The following PDE6C variants were observed in gnomAD, a reference collection of about 807,000 sequenced individuals.
The protein encoded by PDE6C is cone cGMP-specific 3',5'-cyclic phosphodiesterase subunit alpha'.
In PDE6C, 75 loss-of-function variants were observed where a neutral mutation model predicts 113.1. The ratio of observed to expected loss-of-function variants is 0.66; its 90% CI spans 0.55 to 0.80. PDE6C has a LOEUF of 0.80. PDE6C is among the 30% of genes least tolerant of loss of function. The probability of loss-of-function intolerance (pLI) is 0.00; values close to 1 mark genes in which losing one functional copy is unlikely to be tolerated. For synonymous variants in PDE6C, 375 were observed against 363.7 expected, an observed-to-expected ratio of 1.03 and a Z score of -0.35; for missense variants, 912 against 1,038.6, an observed-to-expected ratio of 0.88 and a Z score of 1.67.
At chr10:93,629,519 C>A (rs919869650) in intron 8 of PDE6C, among the ~76,000 whole-genome samples, 4 of 152,268 alleles carry the variant, frequency 2.6e-5, no homozygotes, top group African/African-American at 9.6e-5. Flanking sequence ...AGGGAGGGGA[C>A]CTGCCACTCC....
At position 93,636,368 on chromosome 10, in the gene PDE6C, T is replaced by TGGGGG. The variant is rs373109205; in HGVS notation, c.1414-627_1414-626insGGGGG. ...CTCTATTTCTTTTATTTCCCTGGCT[T>TGGGGG]TGTGTGTGTGTGTGTGTGTGTGTGT... On this transcript the variant is annotated intron_variant, in intron 10 of 21. Coordinates refer to ENST00000371447, the MANE Select transcript of PDE6C (RefSeq NM_006204.4). 6.4e-5 allele frequency among the ~76,000 whole-genome samples: 9 copies of TGGGGG among 141,358 alleles called. No homozygotes were observed. In the South Asian group the frequency reaches 1.7e-3, roughly 26 times the overall value. The allele number at this position is 141,358 out of a possible 152,430, so 92.7% of individuals were successfully genotyped here.
At position 93,665,059 on chromosome 10, in the gene PDE6C, G is replaced by C. The variant is rs569260466; in HGVS notation, c.2519-301G>C. On this transcript the variant is annotated intron_variant, in intron 21 of 21. Transcript: ENST00000371447. ...AATTTTTATATTTTTAGTAGAGACA[G>C]GGTTTCACCATATTGACCAGGCTGG... 9.9e-5 allele frequency among the ~76,000 whole-genome samples: 15 copies of C among 152,162 alleles called. No individual in the cohort carries two copies. The East Asian group carries it at 2.9e-3, about 29-fold the overall frequency.
intron 15 of PDE6C, among the ~76,000 whole-genome samples, chr10:93,646,918 G>A (rs2058587187): frequency 1.3e-5 from 2 of 152,220 alleles, no homozygotes; most frequent in Non-Finnish European, 2.9e-5. Flanking sequence ...GCCATGCTCT[G>A]AGAGTTCCAA....
rs112455473 is a variant in PDE6C, at chr10:93,622,058, A to G, written c.850A>G (p.Met284Val). 7 of 1,614,032 alleles carry G rather than the reference A, an allele frequency of 4.3e-6. No individual in the cohort carries two copies. The South Asian group carries it at 7.7e-5, about 18-fold the overall frequency. The stretch of plus-strand genomic sequence containing the variant: ...ACGATACTCCATTGGACTGCTGGAC[A>G]TGACCAAGGAGAAGGTTCTTATTAT... ...CERYSIGLLD[M>V]TKEKEFYDEW... The change falls in exon 4 of 22, where the codon ATG becomes GTG. Residue 284 changes from methionine (M) to valine (V), a missense_variant. By Grantham distance (21) the Met-to-Val change is conservative (BLOSUM62 1). Coordinates refer to ENST00000371447, the MANE Select transcript of PDE6C (RefSeq NM_006204.4).
At chr10:93,618,006 C>A (rs114459381) in intron 1 of PDE6C, among the ~76,000 whole-genome samples, 4,311 of 151,616 alleles carry the variant, frequency 0.028, 81 homozygotes, top group Middle Eastern at 0.045. Context: ...CTATGGGGAA[C>A]CAGAGAGAGG....
At chr10:93,641,687 T>C (rs1267964042) in intron 14 of PDE6C, among the ~76,000 whole-genome samples, 1 of 152,268 alleles carries the variant, frequency 6.6e-6, no homozygotes, top group East Asian at 1.9e-4. Flanking sequence ...GGTACATGAA[T>C]GTTAGGCTTA....
At chr10:93,643,135 A>G (rs544293623) in intron 14 of PDE6C, among the ~76,000 whole-genome samples, 16 of 152,298 alleles carry the variant, frequency 1.1e-4, no homozygotes, top group Admixed American at 1.0e-3. Flanking sequence ...AGGTACTAGT[A>G]TCCCCCACTT....
Position 93,663,194 on chromosome 10 carries a change from T to C in PDE6C, c.2518+16T>C. 1.9e-6 allele frequency: 3 copies of C among 1,611,366 alleles called. No homozygotes were observed. The highest frequency in any genetic ancestry group is 2.5e-6 in the Non-Finnish European group (3 of 1,178,654). ...GCCGAAAAAGGTTAGATGGGCTCTG[T>C]TTTTGCTCCCTGTAATGTAGCCAGA... On this transcript the variant is annotated intron_variant, in intron 21 of 21. Transcript: ENST00000371447.
At chr10:93,659,066 CT>C (rs1564805935) in intron 17 of PDE6C, 37 bp from the exon 18 acceptor site, 1 of 1,576,608 alleles carries the variant, frequency 6.3e-7, no homozygotes, top group Non-Finnish European at 8.7e-7. Context: ...TTATTTTGTA[CT>C]TATTTCTATT....
In PDE6C at chr10:93,655,841, G is replaced by T. The variant is rs779825105; in HGVS notation, c.2017G>T (p.Asp673Tyr). The change falls in exon 16 of 22, where the codon GAC becomes TAC. Residue 673 changes from aspartate (D) to tyrosine (Y), a missense_variant. Transcript: ENST00000371447. Reference protein sequence around the residue: ...HLFEVAIIATDLALYFKKRTM... With the variant: ...HLFEVAIIATYLALYFKKRTM... ...GTTCGAGGTCGCAATAATAGCAACTGACCTGGCTTTATATTTCAAGTAAGT... is the reference window on the plus strand; with the variant it reads ...GTTCGAGGTCGCAATAATAGCAACTTACCTGGCTTTATATTTCAAGTAAGT... 1.3e-6 allele frequency: 2 copies of T among 1,583,656 alleles called. No homozygotes were observed. The highest frequency in any genetic ancestry group is 1.7e-6 in the Non-Finnish European group (2 of 1,152,256).
At chr10:93,651,385 C>G (rs181282300) in intron 15 of PDE6C, among the ~76,000 whole-genome samples, 82 of 152,272 alleles carry the variant, frequency 5.4e-4, no homozygotes, top group African/African-American at 1.9e-3. Flanking sequence ...GGGGAGGCCT[C>G]AGGAAACTTA....
rs1328017393 is a variant in PDE6C at position 93,625,651 on chromosome 10, T to G, written c.939+2T>G. 2.5e-6 allele frequency: 4 copies of G among 1,603,900 alleles called. No individual in the cohort carries two copies. In the Admixed American group the frequency reaches 6.7e-5, roughly 27 times the overall value. ...GGTCCAAAGACACCTGATGGCAGGGTACGTGCAAATGTCTTCCTTGATGCC... is the reference window on the plus strand; with the variant it reads ...GGTCCAAAGACACCTGATGGCAGGGGACGTGCAAATGTCTTCCTTGATGCC... On this transcript the variant is annotated splice_donor_variant, in intron 5 of 21. Coordinates refer to ENST00000371447, the MANE Select transcript of PDE6C (RefSeq NM_006204.4). LOFTEE classifies it high-confidence loss of function.
chr10:93,659,518 T>C (rs2058656230), intron 18 of PDE6C, among the ~76,000 whole-genome samples: 3 of 152,176 alleles, frequency 2.0e-5, no homozygotes, highest in Admixed American at 2.0e-4. Flanking sequence ...AGAGGTTTAA[T>C]GAACTCACAG....
intron 8 of PDE6C, 73 bp from the exon 9 acceptor site, chr10:93,634,685 A>G: frequency 4.7e-6 from 7 of 1,497,226 alleles, no homozygotes; most frequent in Non-Finnish European, 6.5e-6. Flanking sequence ...TTCTTTTGTA[A>G]TATCCTGTGA....
chr10:93,622,915 G>C (rs2058455582), intron 4 of PDE6C, among the ~76,000 whole-genome samples: 1 of 152,102 alleles, frequency 6.6e-6, no homozygotes, highest in Non-Finnish European at 1.5e-5. Flanking sequence ...TAGTGATTGT[G>C]AATAAAGCTG....
chr10:93,633,634 A>T (rs2058513893), intron 8 of PDE6C, among the ~76,000 whole-genome samples: 1 of 152,302 alleles, frequency 6.6e-6, no homozygotes, highest in South Asian at 2.1e-4. Context: ...TACCTTCAGC[A>T]ACTGCCCCAG....
intron 8 of PDE6C, among the ~76,000 whole-genome samples, chr10:93,630,372 C>G (rs1244189635): frequency 1.4e-5 from 2 of 144,248 alleles, no homozygotes; most frequent in Admixed American, 6.9e-5. Context: ...AGCCTGTCAT[C>G]TTCACCACCC....
At chr10:93,659,337 T>A (rs1200809731) in intron 18 of PDE6C, among the ~76,000 whole-genome samples, 170 bp downstream of exon 18, 1 of 152,106 alleles carries the variant, frequency 6.6e-6, no homozygotes, top group Non-Finnish European at 1.5e-5. Flanking sequence ...TAGAAGGAAC[T>A]TTGGAAGGAG....
intron 15 of PDE6C, among the ~76,000 whole-genome samples, chr10:93,652,793 A>C (rs1260273366): frequency 1.3e-5 from 2 of 152,238 alleles, no homozygotes; most frequent in Non-Finnish European, 2.9e-5. Context: ...CAATTGGTGC[A>C]TAATAAATTT....
Sources: gnomAD v4.1 joint callset for allele counts (sites outside exome capture counted in the v4.1 genomes callset) on GRCh38, gnomAD v4.1.1 for gene constraint, MANE v1.5 for transcripts, NCBI Gene and HGNC (gene_info 2026-07-23, HGNC 2026-07-21) for gene names.